Variants in GLYATL3 observed in about 807,000 individuals in gnomAD.
The protein encoded by GLYATL3 is glycine-N-acyltransferase like 3, also known as glycine N-acyltransferase-like protein 3.
GLYATL3 carries 31 observed loss-of-function variants against 28.5 expected under a neutral mutation model. The observed-to-expected ratio is 1.09, with a 90% CI of 0.82 to 1.47. The LOEUF (loss-of-function observed/expected upper bound fraction) is 1.47. Among genes scored for constraint, GLYATL3 ranks in the 40% most tolerant of loss-of-function variants. The pLI is 0.00. For missense variants in GLYATL3, 369 were observed against 351.5 expected (o/e 1.05, Z -0.40); for synonymous variants, 141 against 140.2 (o/e 1.01, Z -0.04).
At position 49,509,954 on chromosome 6, in the gene GLYATL3, CTTT is replaced by C. The variant is rs1561976821; in HGVS notation, c.-28-2008_-28-2006del. Reference sequence around the variant, plus strand: ...TATTTTACGTATTTTCTTTCTCTTTCTTTCTTTCTTTCTTTCTTTCTTTCTTTC... The same window carrying C: ...TATTTTACGTATTTTCTTTCTCTTTCCTTTCTTTCTTTCTTTCTTTCTTTC... On this transcript the variant is annotated intron_variant, in intron 1 of 5. Transcript: ENST00000371197. 9.5e-3 allele frequency among the ~76,000 whole-genome samples: 556 copies of C among 58,236 alleles called. 8 individuals carry two copies. The highest frequency in any genetic ancestry group is 0.014 in the Non-Finnish European group (277 of 19,604). The allele number at this position is 58,236 out of a possible 152,430, so 38.2% of individuals were successfully genotyped here.
At chr6:49,510,947 T>G (rs929877165) in intron 1 of GLYATL3, among the ~76,000 whole-genome samples, 1 of 152,176 alleles carries the variant, frequency 6.6e-6, no homozygotes, top group Non-Finnish European at 1.5e-5. Flanking sequence ...CAATTGAATA[T>G]TCAGGGTATC....
intron 2 of GLYATL3, among the ~76,000 whole-genome samples, chr6:49,512,836 C>A (rs1328779367): frequency 1.3e-5 from 2 of 152,122 alleles, no homozygotes; most frequent in Admixed American, 6.5e-5. Flanking sequence ...AAAATTTGAA[C>A]AAAAGTGATC....
At chr6:49,505,591 T>C (rs1206132390) in intron 1 of GLYATL3, among the ~76,000 whole-genome samples, 2 of 152,212 alleles carry the variant, frequency 1.3e-5, no homozygotes, top group Non-Finnish European at 2.9e-5. Context: ...GAATTTTGAC[T>C]TAGGCAAATG....
chr6:49,521,916 AGT>A (rs1019236697), intron 5 of GLYATL3, 145 bp downstream of exon 5: 389 of 640,914 alleles, frequency 6.1e-4, no homozygotes, highest in South Asian at 1.3e-3. Flanking sequence ...TATGTGTGTG[AGT>A]GTGTGTGTGT....
chr6:49,503,616 G>T (rs988531771), intron 1 of GLYATL3, among the ~76,000 whole-genome samples: 1 of 152,144 alleles, frequency 6.6e-6, no homozygotes, highest in African/African-American at 2.4e-5. Context: ...ATAGTGAGAA[G>T]AATTAAATAA....
At position 49,505,271 on chromosome 6, in the gene GLYATL3, A is replaced by C. The variant is rs1341386080; in HGVS notation, c.-29+5229A>C. ...ACAGTTTTTTGTAACAAAGAGAACA[A>C]GGAAAATAGATTAGTGTCAGTAATA... On this transcript the variant is annotated intron_variant, in intron 1 of 5. Coordinates refer to ENST00000371197, the MANE Select transcript of GLYATL3 (RefSeq NM_001010904.2). Among the ~76,000 whole-genome samples the C allele has an allele frequency of 2.0e-5, 3 of 152,212 alleles. No homozygotes were observed. In the East Asian group the frequency reaches 5.8e-4, roughly 29 times the overall value.
chr6:49,518,884 T>G (rs1296203971), intron 4 of GLYATL3, among the ~76,000 whole-genome samples: 1 of 151,646 alleles, frequency 6.6e-6, no homozygotes, highest in Non-Finnish European at 1.5e-5. Flanking sequence ...GAGCTTGCAG[T>G]GAGCCGAGAT....
chr6:49,524,647 G>A (rs1265138769), intron 5 of GLYATL3, among the ~76,000 whole-genome samples: 2 of 152,118 alleles, frequency 1.3e-5, no homozygotes, highest in Admixed American at 6.5e-5. Context: ...TTGAAGGTTG[G>A]TACTATTTAA....
At position 49,521,900 on chromosome 6, in the gene GLYATL3, C is replaced by T. The variant is rs183053244; in HGVS notation, c.440+129C>T. Reference sequence around the variant, plus strand: ...CTGGATTTCAACCATTGAGCACAAACGGGAGTATGTGTGTGAGTGTGTGTG... The same window carrying T: ...CTGGATTTCAACCATTGAGCACAAATGGGAGTATGTGTGTGAGTGTGTGTG... On this transcript the variant is annotated intron_variant, in intron 5 of 5. Transcript: ENST00000371197. 1.1e-3 allele frequency: 796 copies of T among 753,522 alleles called. 1 individual carries two copies. The African/African-American group carries it at 0.013, about 12-fold the overall frequency. The allele number at this position is 753,522 out of a possible 1,614,324, so 46.7% of individuals were successfully genotyped here.
At chr6:49,508,248 A>T (rs1284184797) in intron 1 of GLYATL3, among the ~76,000 whole-genome samples, 1 of 152,250 alleles carries the variant, frequency 6.6e-6, no homozygotes, top group African/African-American at 2.4e-5. Flanking sequence ...CTGAGCCGAG[A>T]TCGCACCACT....
At chr6:49,500,834 A>G (rs1171023806) in intron 1 of GLYATL3, among the ~76,000 whole-genome samples, 1 of 152,208 alleles carries the variant, frequency 6.6e-6, no homozygotes, top group Non-Finnish European at 1.5e-5. Flanking sequence ...AACATGTTAC[A>G]AAAATGTGTA....
chr6:49,511,386 T>G (rs1414238039), intron 1 of GLYATL3, among the ~76,000 whole-genome samples: 2 of 152,180 alleles, frequency 1.3e-5, no homozygotes, highest in African/African-American at 4.8e-5. Flanking sequence ...TCAATCTAGG[T>G]ATTTCTCTCC....
At chr6:49,513,757 A>AT (rs1667931359) in intron 2 of GLYATL3, among the ~76,000 whole-genome samples, 2 of 152,182 alleles carry the variant, frequency 1.3e-5, no homozygotes, top group African/African-American at 2.4e-5. Context: ...AGATTGGGTA[A>AT]TATAGAAGAA....
chr6:49,523,146 A>C (rs1769344861), intron 5 of GLYATL3, among the ~76,000 whole-genome samples: 1 of 152,220 alleles, frequency 6.6e-6, no homozygotes, highest in Admixed American at 6.5e-5. Flanking sequence ...AAATCAACAA[A>C]GGGAAAGGGA....
chr6:49,505,472 C>T (rs1469807489), intron 1 of GLYATL3, among the ~76,000 whole-genome samples: 2 of 152,154 alleles, frequency 1.3e-5, no homozygotes, highest in Non-Finnish European at 2.9e-5. Flanking sequence ...CCTACATAAC[C>T]TGCCTTTCCA....
chr6:49,513,791 A>G (rs761069992), intron 2 of GLYATL3, among the ~76,000 whole-genome samples: 1 of 152,204 alleles, frequency 6.6e-6, no homozygotes, highest in Non-Finnish European at 1.5e-5. Flanking sequence ...TAGGCATTGA[A>G]GAAAATGAGT....
chr6:49,519,715 A>T (rs1283098481), intron 4 of GLYATL3, among the ~76,000 whole-genome samples: 7 of 152,216 alleles, frequency 4.6e-5, no homozygotes, highest in Non-Finnish European at 1.5e-5. Context: ...CAGAGGAATG[A>T]CATATCCTGC....
intron 2 of GLYATL3, among the ~76,000 whole-genome samples, chr6:49,513,013 A>G (rs1424079361): frequency 1.3e-5 from 2 of 152,226 alleles, no homozygotes; most frequent in African/African-American, 4.8e-5. Flanking sequence ...AAATTTTCCC[A>G]AGATCAATGC....
At chr6:49,504,417 C>T (rs1360017922) in intron 1 of GLYATL3, among the ~76,000 whole-genome samples, 4 of 151,984 alleles carry the variant, frequency 2.6e-5, no homozygotes, top group South Asian at 2.1e-4. Context: ...CTCTACCCCA[C>T]GTTAAAATAG....
Sources: allele counts gnomAD v4.1 joint callset (sites outside exome capture counted in the v4.1 genomes callset), GRCh38; gene constraint gnomAD v4.1.1; transcripts MANE v1.5; gene names NCBI Gene and HGNC (gene_info 2026-07-23, HGNC 2026-07-21).